Variants in FOXN3 observed in about 807,000 individuals in gnomAD.
FOXN3 encodes the protein forkhead box N3.
In FOXN3, 7 loss-of-function variants were observed where a neutral mutation model predicts 38.4. That is an observed-to-expected ratio of 0.18 (90% CI 0.10 to 0.34). FOXN3 has a LOEUF of 0.34. Ranked by LOEUF, FOXN3 falls within the 10% of genes least tolerant of loss-of-function variation. FOXN3 has a pLI of 1.00. For missense variants in FOXN3, 456 were observed against 613.4 expected, an observed-to-expected ratio of 0.74 and a Z score of 2.71; for synonymous variants, 230 against 242.2, an observed-to-expected ratio of 0.95 and a Z score of 0.47.
At chr14:89,177,620 TAG>T (rs1363506316) in intron 5 of FOXN3, among the ~76,000 whole-genome samples, 1 of 152,082 alleles carries the variant, frequency 6.6e-6, no homozygotes, top group Non-Finnish European at 1.5e-5. Flanking sequence ...GGGGGTGCCA[TAG>T]AGAGACTGAG....
intron 2 of FOXN3, among the ~76,000 whole-genome samples, chr14:89,392,354 T>G (rs1480501179): frequency 6.6e-6 from 1 of 152,232 alleles, no homozygotes; most frequent in Non-Finnish European, 1.5e-5. Flanking sequence ...TCACTGCTAC[T>G]TCTTTCTGTT....
At chr14:89,173,202 G>A (rs1216997364) in intron 5 of FOXN3, among the ~76,000 whole-genome samples, 3 of 152,150 alleles carry the variant, frequency 2.0e-5, no homozygotes, top group Non-Finnish European at 2.9e-5. Flanking sequence ...TTAAATATAT[G>A]AAAAACTGTG....
intron 3 of FOXN3, among the ~76,000 whole-genome samples, chr14:89,348,384 C>A (rs1452110016): frequency 6.6e-6 from 1 of 152,078 alleles, no homozygotes. Flanking sequence ...TAGAATTGAA[C>A]CAAATGCCAC....
In FOXN3 at chr14:89,585,233, G is replaced by A. The variant is rs544245600; in HGVS notation, c.-15+33795C>T. Among the ~76,000 whole-genome samples, 4 of 152,096 alleles carry A rather than the reference G, an allele frequency of 2.6e-5. No individual in the cohort carries two copies. The East Asian group carries it at 7.7e-4, about 29-fold the overall frequency. ...TCTTCACCTATATTTTTGCCAATTC[G>A]AATTCTATTGATCCTTCAAGTCCCA... On this transcript the variant is annotated intron_variant, in intron 1 of 6. Transcript: ENST00000345097.
intron 1 of FOXN3, among the ~76,000 whole-genome samples, chr14:89,608,684 T>A (rs1227005127): frequency 6.6e-6 from 1 of 152,028 alleles, no homozygotes. Flanking sequence ...TCCTCCTTCA[T>A]AAGAAATAAA....
rs540882106 is a variant in FOXN3, at chr14:89,300,316, G to C, written c.681-19302C>G. Among the ~76,000 whole-genome samples the C allele has an allele frequency of 2.0e-5, 3 of 150,854 alleles. No homozygotes were observed. The South Asian group carries it at 6.3e-4, about 31-fold the overall frequency. ...TCCTGCCTCAGCCTCCCAAGTAGTT[G>C]GGATTACAGGCACCCGCCATCATGC... is the stretch of plus-strand genomic sequence containing the variant. On this transcript the variant is annotated intron_variant, in intron 3 of 5. Coordinates refer to ENST00000557258, the MANE Select transcript of FOXN3 (RefSeq NM_005197.4).
intron 5 of FOXN3, among the ~76,000 whole-genome samples, chr14:89,168,735 C>T (rs531397584): frequency 3.0e-4 from 46 of 152,238 alleles, no homozygotes; most frequent in African/African-American, 8.7e-4. Context: ...GTTTTGATGA[C>T]GGTACCAATC....
rs1222106142 is a variant in FOXN3, at chr14:89,595,438, T to C, written c.-15+23590A>G. Among the ~76,000 whole-genome samples the C allele has an allele frequency of 3.3e-5, 5 of 152,334 alleles. No homozygotes were observed. In the South Asian group the frequency reaches 1.0e-3, roughly 32 times the overall value. ...CATGGTTTTCAATATAGGGGTCTTG[T>C]TAGATTTATTCCTAGATAATTTGAT... On this transcript the variant is annotated intron_variant, in intron 1 of 6. Coordinates refer to the FOXN3 transcript ENST00000345097.
intron 4 of FOXN3, among the ~76,000 whole-genome samples, chr14:89,224,427 A>C (rs1205777802): frequency 1.3e-5 from 2 of 152,262 alleles, no homozygotes; most frequent in African/African-American, 4.8e-5. Flanking sequence ...TTTAGATTTC[A>C]TAACTTTCAT....
At chr14:89,418,756 C>A (rs527883368), upstream of FOXN3, among the ~76,000 whole-genome samples, 15 of 152,122 alleles carry the variant, frequency 9.9e-5, no homozygotes, top group Non-Finnish European at 1.8e-4. Context: ...CAATGTGTAC[C>A]CTGCTTTCCT....
At chr14:89,582,453 G>A (rs375512363) in intron 1 of FOXN3, among the ~76,000 whole-genome samples, 7 of 151,138 alleles carry the variant, frequency 4.6e-5, no homozygotes, top group East Asian at 3.9e-4. Context: ...TAGCCTAAGC[G>A]TGAAGAGCCT....
intron 4 of FOXN3, chr14:89,185,638 A>G (rs1034022436): frequency 6.6e-6 from 1 of 152,274 alleles, no homozygotes; most frequent in Non-Finnish European, 1.5e-5. Context: ...TCTCCAGACA[A>G]GGCCCAGGCC....
At chr14:89,336,769 A>C (rs1231979499) in intron 3 of FOXN3, among the ~76,000 whole-genome samples, 1 of 152,254 alleles carries the variant, frequency 6.6e-6, no homozygotes, top group Non-Finnish European at 1.5e-5. Context: ...CTATAGTGCT[A>C]AACAGCTTAC....
intron 1 of FOXN3, among the ~76,000 whole-genome samples, chr14:89,467,800 C>CTTTCTTTTTT (rs1383456566): frequency 3.5e-4 from 20 of 57,882 alleles, no homozygotes; most frequent in African/African-American, 1.0e-3. Flanking sequence ...TCTTTTCTTT[C>CTTTCTTTTTT]TTTGTTTTTT....
At chr14:89,283,018 G>C (rs1886508144) in intron 3 of FOXN3, among the ~76,000 whole-genome samples, 1 of 152,180 alleles carries the variant, frequency 6.6e-6, no homozygotes, top group African/African-American at 2.4e-5. Context: ...GAGAGACTTG[G>C]ACTGGCCACC....
intron 4 of FOXN3, among the ~76,000 whole-genome samples, chr14:89,195,274 C>T (rs1381976762): frequency 6.6e-6 from 1 of 152,148 alleles, no homozygotes; most frequent in African/African-American, 2.4e-5. Flanking sequence ...AGTGCTGCCC[C>T]ACTCTCTTCC....
chr14:89,458,327 T>G (rs1415511746), intron 1 of FOXN3, among the ~76,000 whole-genome samples: 1 of 152,226 alleles, frequency 6.6e-6, no homozygotes, highest in Non-Finnish European at 1.5e-5. Context: ...TGCCTTATCC[T>G]TGTATTAGAA....
chr14:89,389,259 C>T (rs1314829360), intron 2 of FOXN3, among the ~76,000 whole-genome samples: 1 of 151,946 alleles, frequency 6.6e-6, no homozygotes, highest in Non-Finnish European at 1.5e-5. Flanking sequence ...TTACAATGTG[C>T]ATCTCTTAGG....
intron 1 of FOXN3, among the ~76,000 whole-genome samples, chr14:89,534,602 T>G (rs1027577017): frequency 6.6e-6 from 1 of 152,112 alleles, no homozygotes; most frequent in Non-Finnish European, 1.5e-5. Flanking sequence ...GAAAAAGAAA[T>G]TAGTCACCTT....
Sources: gnomAD v4.1 joint callset for allele counts (sites outside exome capture counted in the v4.1 genomes callset) on GRCh38, gnomAD v4.1.1 for gene constraint, MANE v1.5 for transcripts, NCBI Gene and HGNC (gene_info 2026-07-23, HGNC 2026-07-21) for gene names.